Variants in DKK4 observed in about 807,000 individuals in gnomAD.
The protein encoded by DKK4 is dickkopf Wnt signaling pathway inhibitor 4, also known as dickkopf-related protein 4.
In DKK4, 15 loss-of-function variants were observed where a neutral mutation model predicts 14.5. That is an observed-to-expected ratio of 1.03 (90% confidence interval 0.69 to 1.59). The LOEUF (loss-of-function observed/expected upper bound fraction) is 1.59, where lower values mean the gene tolerates loss of function less well. DKK4 is among the 40% of genes most tolerant of loss of function. DKK4 has a pLI of 0.00. For synonymous variants in DKK4, 89 were observed against 105.2 expected, an observed-to-expected ratio of 0.85 and a Z score of 0.94; for missense variants, 272 against 280.3, an observed-to-expected ratio of 0.97 and a Z score of 0.21.
chr8:42,374,706 C>G, intron 3 of DKK4, 55 bp downstream of exon 3: 1 of 1,606,198 alleles, frequency 6.2e-7, no homozygotes, highest in South Asian at 1.1e-5. Context: ...CCTTAAGAGG[C>G]TGGGAGGAGA....
chr8:42,375,257 C>T (rs1174586619), intron 2 of DKK4, among the ~76,000 whole-genome samples: 2 of 152,120 alleles, frequency 1.3e-5, no homozygotes, highest in Admixed American at 1.3e-4. Context: ...TAAGAAAAGG[C>T]AAGCCGGGTC....
the DKK4 span, among the ~76,000 whole-genome samples, chr8:42,387,682 G>T: frequency 1.3e-5 from 2 of 152,066 alleles, no homozygotes; most frequent in African/African-American, 4.8e-5. Context: ...TCTTGATAAG[G>T]ACATTAAGTG....
At chr8:42,381,931 A>T (rs1033873445), upstream of DKK4, among the ~76,000 whole-genome samples, 2 of 152,208 alleles carry the variant, frequency 1.3e-5, no homozygotes, top group Non-Finnish European at 2.9e-5. Context: ...CAGGAGGCAG[A>T]GGTTGCAGTG....
chr8:42,375,432 C>T (rs992395002), intron 2 of DKK4, among the ~76,000 whole-genome samples: 1 of 151,508 alleles, frequency 6.6e-6, no homozygotes, highest in African/African-American at 2.4e-5. Flanking sequence ...GTCCTAGTTA[C>T]TCCAGAGGCT....
At chr8:42,385,568 C>T in the DKK4 span, among the ~76,000 whole-genome samples, 1 of 151,960 alleles carries the variant, frequency 6.6e-6, no homozygotes, top group Non-Finnish European at 1.5e-5. Context: ...CCTTGGCCCC[C>T]CCATACCGCC....
Position 42,375,838 on chromosome 8 carries a change from G to A in DKK4, c.112-8C>T, listed in dbSNP as rs891183413. The stretch of plus-strand genomic sequence containing the variant: ...AGACAGGCACTGTGAGCCCTGTGGA[G>A]GGAATCTGTTATCACAAGGCTAGGA... On this transcript the variant is annotated splice_polypyrimidine_tract_variant and splice_region_variant and intron_variant, in intron 1 of 3. Coordinates refer to ENST00000220812, the MANE Select transcript of DKK4 (RefSeq NM_014420.3). The A allele has an allele frequency of 4.3e-6, 7 of 1,613,396 alleles. No individual in the cohort carries two copies. Among genetic ancestry groups the A allele is most frequent in the Admixed American group, 1.7e-5 (1 of 59,892 alleles).
intron 3 of DKK4, 150 bp from the exon 4 acceptor site, chr8:42,374,509 G>A (rs1388044605): frequency 2.3e-5 from 26 of 1,153,566 alleles, no homozygotes; most frequent in East Asian, 9.7e-5. Flanking sequence ...TAGGTGTTAC[G>A]CTAAAAGCAG....
At chr8:42,380,116 T>C (rs1824645825), upstream of DKK4, among the ~76,000 whole-genome samples, 1 of 152,118 alleles carries the variant, frequency 6.6e-6, no homozygotes, top group Admixed American at 6.5e-5. Flanking sequence ...GAGGATCACT[T>C]GAAGCCAGGA....
chr8:42,379,428 A>AGAG (rs1563415812), upstream of DKK4, among the ~76,000 whole-genome samples: 15 of 77,774 alleles, frequency 1.9e-4, no homozygotes, highest in Admixed American at 2.7e-4. Flanking sequence ...GAGAGAGAGA[A>AGAG]AGATTCAGAC....
chr8:42,387,932 T>C, the DKK4 span, among the ~76,000 whole-genome samples: 1 of 152,202 alleles, frequency 6.6e-6, no homozygotes, highest in African/African-American at 2.4e-5. Context: ...GGTCTGTCAC[T>C]CAGGCTGTGG....
At chr8:42,386,460 G>T in the DKK4 span, among the ~76,000 whole-genome samples, 32,255 of 151,884 alleles carry the variant, frequency 0.21, 6,903 homozygotes, top group African/African-American at 0.55. Flanking sequence ...TTTAATGTCC[G>T]CTAGATGTTG....
At chr8:42,383,560 T>C in the DKK4 span, among the ~76,000 whole-genome samples, 1 of 152,228 alleles carries the variant, frequency 6.6e-6, no homozygotes, top group Non-Finnish European at 1.5e-5. Flanking sequence ...TTGTCCTGAC[T>C]CCACAACAGG....
Position 42,374,358 on chromosome 8 carries a change from T to C in DKK4, c.417A>G (p.Gly139=), listed in dbSNP as rs1824516852. The C allele has an allele frequency of 6.2e-7, 1 of 1,613,066 alleles. No individual in the cohort carries two copies. Among genetic ancestry groups the C allele is most frequent in the Admixed American group, 1.7e-5 (1 of 59,634 alleles). Residue 139 remains glycine (G), a splice_region_variant and synonymous_variant, in exon 4 of 4, where the codon GGA becomes GGG. Transcript: ENST00000220812. ...TTCTCAGACAACTTTCTCCCTCTTG[T>C]CCTGTAACAAGGTTAATGTGGGCTT... ...PSIKKSQGRK[G]QEGESCLRTF...
Position 42,376,148 on chromosome 8 carries a change from AAT to A in DKK4, c.112-320_112-319del, listed in dbSNP as rs1179592723. Among the ~76,000 whole-genome samples the A allele has an allele frequency of 3.3e-5, 5 of 152,324 alleles. No homozygotes were observed. The East Asian group carries it at 9.6e-4, about 29-fold the overall frequency. On this transcript the variant is annotated intron_variant, in intron 1 of 3. Transcript: ENST00000220812. ...CTTAACAGGTGAGTATGAGATTTTC[AAT>A]ATATCTTAACTCTAGAAGCTGGCTA...
intron 2 of DKK4, 95 bp downstream of exon 2, chr8:42,375,585 C>A: frequency 7.0e-7 from 1 of 1,428,680 alleles, no homozygotes. Context: ...ATCTAGGAAG[C>A]ACCATTAGAG....
At chr8:42,385,386 C>T in the DKK4 span, among the ~76,000 whole-genome samples, 1 of 151,614 alleles carries the variant, frequency 6.6e-6, no homozygotes, top group Non-Finnish European at 1.5e-5. Flanking sequence ...AGTGACACCC[C>T]GTCTCAAAAA....
the DKK4 span, among the ~76,000 whole-genome samples, chr8:42,390,740 G>C: frequency 1.3e-5 from 2 of 152,128 alleles, no homozygotes; most frequent in Non-Finnish European, 2.9e-5. Context: ...AGGTCTCTCA[G>C]TTTGGATTTG....
upstream of DKK4, chr8:42,377,309 G>A: frequency 2.3e-6 from 1 of 439,882 alleles, no homozygotes; most frequent in Non-Finnish European, 4.1e-6. Flanking sequence ...GCCCCACACA[G>A]GCTTCAACAA....
the DKK4 span, among the ~76,000 whole-genome samples, chr8:42,389,800 T>C: frequency 2.6e-5 from 4 of 152,216 alleles, no homozygotes; most frequent in African/African-American, 4.8e-5. Flanking sequence ...TGAGGGTTAG[T>C]TGCAGCTACA....
Sources: allele counts gnomAD v4.1 joint callset (sites outside exome capture counted in the v4.1 genomes callset), GRCh38; gene constraint gnomAD v4.1.1; transcripts MANE v1.5; gene names NCBI Gene and HGNC (gene_info 2026-07-23, HGNC 2026-07-21).